C1GALT1: variants seen among roughly 807,000 people sequenced by gnomAD.
C1GALT1 encodes the protein glycoprotein-N-acetylgalactosamine 3-beta-galactosyltransferase 1.
Under a neutral mutation model 31.0 loss-of-function variants are expected in C1GALT1, and 11 were observed. That is an observed-to-expected ratio of 0.36 (90% CI 0.22 to 0.59). The LOEUF is 0.59. C1GALT1 is among the 20% of genes least tolerant of loss of function. C1GALT1 has a pLI of 0.79. For synonymous variants in C1GALT1, 175 were observed against 143.6 expected (o/e 1.22, Z -1.56); for missense variants, 424 against 425.2 (o/e 1.00, Z 0.03).
In C1GALT1 at chr7:7,244,108, TAAAG is replaced by T. The variant is rs1783752262; in HGVS notation, c.*385_*388del. 1.3e-5 allele frequency: 2 copies of T among 155,456 alleles called. No individual in the cohort carries two copies. Among genetic ancestry groups the T allele is most frequent in the South Asian group, 4.0e-4 (2 of 4,968 alleles). 9.6% of individuals were successfully genotyped at this position (155,456 alleles called of 1,614,324 possible). The stretch of plus-strand genomic sequence containing the variant: ...ATGTTAGTAATAAACAGATCTGCCT[TAAAG>T]AAAAGAAAATTTTAGAAAGAAATAT... On this transcript the variant is annotated 3_prime_UTR_variant, in exon 4 of 4. Transcript: ENST00000436587.
chr7:7,236,558 G>A (rs931612348), intron 2 of C1GALT1, among the ~76,000 whole-genome samples: 2 of 152,100 alleles, frequency 1.3e-5, no homozygotes, highest in Admixed American at 1.3e-4. Flanking sequence ...GTCTCGCTCT[G>A]TCACCCAGGC....
rs1783827167 is a variant in C1GALT1 at position 7,245,922 on chromosome 7, ATAC to A, written c.*2199_*2201del. Reference sequence around the variant, plus strand: ...CCTCATCTTTTAATTAGGGATGATAATACTACCTACCTCACAGGATTTTTATGA... The same window carrying A: ...CCTCATCTTTTAATTAGGGATGATAATACCTACCTCACAGGATTTTTATGA... On this transcript the variant is annotated 3_prime_UTR_variant, in exon 4 of 4. Coordinates refer to ENST00000436587, the MANE Select transcript of C1GALT1 (RefSeq NM_020156.5). 1 of 152,172 alleles carries A rather than the reference ATAC, an allele frequency of 6.6e-6. No individual in the cohort carries two copies. Among genetic ancestry groups the A allele is most frequent in the South Asian group, 2.1e-4 (1 of 4,828 alleles). The allele number at this position is 152,172 out of a possible 1,614,324, so 9.4% of individuals were successfully genotyped here.
rs189919270 is a variant in C1GALT1 at position 7,202,687 on chromosome 7, A to G, written c.-18+19867A>G. On this transcript the variant is annotated intron_variant, in intron 1 of 3. Transcript: ENST00000436587. ...TTCTAGCTTTGTACCTCTTTTTCAA[A>G]ACTGTTTTGGCTATTCAGGGTCCCT... Among the ~76,000 whole-genome samples, 6 of 152,218 alleles carry G rather than the reference A, an allele frequency of 3.9e-5. No homozygotes were observed. In the East Asian group the frequency reaches 1.2e-3, roughly 29 times the overall value.
chr7:7,192,037 A>G lies in C1GALT1; in HGVS notation c.-18+9217A>G, dbSNP rs192578736. Among the ~76,000 whole-genome samples, 6 of 152,204 alleles carry G rather than the reference A, an allele frequency of 3.9e-5. No individual in the cohort carries two copies. The East Asian group carries it at 7.7e-4, about 20-fold the overall frequency. On this transcript the variant is annotated intron_variant, in intron 1 of 3. Transcript: ENST00000436587. ...CCTTTGTTGTCACATCCAAGAAATC[A>G]TTGCCAAATATAATGTCATGAAGCT...
upstream of C1GALT1, chr7:7,177,916 T>A (rs1194558800): frequency 5.7e-6 from 1 of 176,168 alleles, no homozygotes; most frequent in African/African-American, 2.3e-5. Flanking sequence ...ATAGGGAAAT[T>A]GAGATTCAGA....
intron 2 of C1GALT1, among the ~76,000 whole-genome samples, chr7:7,176,852 G>A (rs1450363923): frequency 1.3e-5 from 2 of 152,262 alleles, no homozygotes; most frequent in African/African-American, 4.8e-5. Flanking sequence ...ATACAGGGTG[G>A]CATTGTCAGG....
chr7:7,218,836 ATT>A (rs1281043126), intron 1 of C1GALT1, among the ~76,000 whole-genome samples: 8 of 141,970 alleles, frequency 5.6e-5, no homozygotes, highest in African/African-American at 5.2e-5. Context: ...CCGTGTTTCT[ATT>A]TTTTTTTTTT....
intron 1 of C1GALT1, among the ~76,000 whole-genome samples, chr7:7,213,188 A>G (rs569874104): frequency 1.3e-5 from 2 of 152,352 alleles, no homozygotes; most frequent in East Asian, 3.9e-4. Context: ...CAAAGCTATT[A>G]AAAACCTGCA....
At chr7:7,194,260 G>A (rs979906128) in intron 1 of C1GALT1, among the ~76,000 whole-genome samples, 1 of 152,090 alleles carries the variant, frequency 6.6e-6, no homozygotes, top group African/African-American at 2.4e-5. Flanking sequence ...CCAGATCTCA[G>A]GGGAAATGCT....
intron 2 of C1GALT1, among the ~76,000 whole-genome samples, chr7:7,168,036 A>C (rs963292495): frequency 6.6e-6 from 1 of 152,224 alleles, no homozygotes; most frequent in African/African-American, 2.4e-5. Flanking sequence ...TCCACATTTC[A>C]CAGGGGAATG....
intron 1 of C1GALT1, among the ~76,000 whole-genome samples, chr7:7,197,262 C>T (rs921804380): frequency 1.3e-5 from 2 of 150,238 alleles, no homozygotes; most frequent in Non-Finnish European, 3.0e-5. Context: ...CTACATATGG[C>T]TAGCCAGTTT....
At chr7:7,231,911 T>A (rs1262619362) in intron 1 of C1GALT1, among the ~76,000 whole-genome samples, 1 of 152,234 alleles carries the variant, frequency 6.6e-6, no homozygotes, top group Non-Finnish European at 1.5e-5. Flanking sequence ...GACTCTAACG[T>A]AGACTTCAGC....
chr7:7,171,680 T>C (rs1780455691), intron 2 of C1GALT1, among the ~76,000 whole-genome samples: 2 of 152,146 alleles, frequency 1.3e-5, no homozygotes, highest in Non-Finnish European at 2.9e-5. Flanking sequence ...TATTGCCTTC[T>C]TTTATGTTTA....
chr7:7,171,659 A>T (rs1780455490), intron 2 of C1GALT1, among the ~76,000 whole-genome samples: 1 of 150,486 alleles, frequency 6.6e-6, no homozygotes, highest in Non-Finnish European at 1.5e-5. Flanking sequence ...TTCCTCTCTT[A>T]TTTTCTCCAT....
intron 1 of C1GALT1, among the ~76,000 whole-genome samples, chr7:7,195,766 G>A (rs1409821285): frequency 1.3e-5 from 2 of 152,148 alleles, no homozygotes; most frequent in African/African-American, 2.4e-5. Flanking sequence ...CGTCAGTGGA[G>A]TATTAAAGTC....
intron 1 of C1GALT1, among the ~76,000 whole-genome samples, chr7:7,192,569 G>T (rs1382508617): frequency 6.6e-6 from 1 of 151,948 alleles, no homozygotes; most frequent in Non-Finnish European, 1.5e-5. Flanking sequence ...ATGGGCATTT[G>T]GGTTGATTCC....
chr7:7,233,060 C>T, intron 1 of C1GALT1, among the ~76,000 whole-genome samples: 1 of 151,978 alleles, frequency 6.6e-6, no homozygotes, highest in African/African-American at 2.4e-5. Context: ...AGAGTTAAGA[C>T]CAATCTTTTA....
At chr7:7,229,581 C>G (rs143331297) in intron 1 of C1GALT1, among the ~76,000 whole-genome samples, 1 of 152,240 alleles carries the variant, frequency 6.6e-6, no homozygotes, top group African/African-American at 2.4e-5. Context: ...TTCTCTCTGG[C>G]TGTTTGAATG....
chr7:7,223,853 C>T (rs996031368), intron 1 of C1GALT1, among the ~76,000 whole-genome samples: 12 of 152,016 alleles, frequency 7.9e-5, no homozygotes, highest in East Asian at 5.8e-4. Flanking sequence ...ATGATCTTAA[C>T]GTGAAAACAT....
Sources: gnomAD v4.1 joint callset for allele counts (sites outside exome capture counted in the v4.1 genomes callset) on GRCh38, gnomAD v4.1.1 for gene constraint, MANE v1.5 for transcripts, NCBI Gene and HGNC (gene_info 2026-07-23, HGNC 2026-07-21) for gene names.